PPFIA2: variants seen among roughly 807,000 people sequenced by gnomAD.
PPFIA2 encodes PPFI scaffold protein A2, also known as liprin-alpha-2.
Under a neutral mutation model 175.5 loss-of-function variants are expected in PPFIA2, and 46 were observed. The observed-to-expected ratio is 0.26, with a 90% CI of 0.21 to 0.34. PPFIA2 has a LOEUF of 0.34. Among genes scored for constraint, PPFIA2 ranks in the 10% least tolerant of loss-of-function variants. The pLI is 1.00. For missense variants in PPFIA2, 1,179 were observed against 1,506.1 expected, an observed-to-expected ratio of 0.78 and a Z score of 3.60; for synonymous variants, 568 against 511.4, an observed-to-expected ratio of 1.11 and a Z score of -1.49.
In PPFIA2 at chr12:81,642,648, A is replaced by ATGTATG. The variant is rs1555548911; in HGVS notation, c.303+34137_303+34142dup. 3.1e-4 allele frequency among the ~76,000 whole-genome samples: 21 copies of ATGTATG among 68,552 alleles called. 1 individual carries two copies. Among genetic ancestry groups the ATGTATG allele is most frequent in the African/African-American group, 9.1e-4 (18 of 19,722 alleles). 45.0% of individuals were successfully genotyped at this position (68,552 alleles called of 152,430 possible). A position where few individuals can be genotyped will look rare whatever the true frequency, so the allele number is the denominator to read the frequency against. ...TACTATATATCTATTATATACATAC[A>ATGTATG]TGTATGTATCTATTATATACATACA... On this transcript the variant is annotated intron_variant, in intron 4 of 32. Coordinates refer to ENST00000549396, the MANE Select transcript of PPFIA2 (RefSeq NM_003625.5).
intron 4 of PPFIA2, among the ~76,000 whole-genome samples, chr12:81,588,163 A>C (rs560064930): frequency 1.3e-5 from 2 of 150,894 alleles, no homozygotes; most frequent in East Asian, 4.1e-4. Context: ...GGTTTCAGGG[A>C]TAATAGTCCA....
chr12:81,277,303 G>C lies in PPFIA2; in HGVS notation c.3310+14C>G. ...CAGAATAAAGGCATTTCATATGAAA[G>C]AAAGATATATTACCTTTTATTTCAT... is the stretch of plus-strand genomic sequence containing the variant. On this transcript the variant is annotated intron_variant, in intron 28 of 32. Transcript: ENST00000549396. The C allele has an allele frequency of 6.6e-7, 1 of 1,522,902 alleles. No individual in the cohort carries two copies. Among genetic ancestry groups the C allele is most frequent in the South Asian group, 1.3e-5 (1 of 78,120 alleles). The allele number at this position is 1,522,902 out of a possible 1,614,324, so 94.3% of individuals were successfully genotyped here. A position where few individuals can be genotyped will look rare whatever the true frequency, so the allele number is the denominator to read the frequency against.
intron 4 of PPFIA2, among the ~76,000 whole-genome samples, chr12:81,603,565 C>G (rs1389542085): frequency 6.6e-6 from 1 of 151,408 alleles, no homozygotes; most frequent in Non-Finnish European, 1.5e-5. Flanking sequence ...TATATCAAAT[C>G]CATTCTAAAG....
intron 4 of PPFIA2, among the ~76,000 whole-genome samples, chr12:81,513,293 C>T (rs921378531): frequency 4.6e-5 from 7 of 151,998 alleles, no homozygotes; most frequent in African/African-American, 1.4e-4. Context: ...CACTTTTACA[C>T]TGCTGGTGGG....
intron 24 of PPFIA2, chr12:81,294,578 C>T (rs1335672670): frequency 2.2e-6 from 1 of 464,872 alleles, no homozygotes; most frequent in Non-Finnish European, 3.9e-6. Flanking sequence ...AGGGTCTTGT[C>T]GCTTGGGAGA....
rs548561580 is a variant in PPFIA2 at position 81,583,354 on chromosome 12, C to T, written c.303+93437G>A. On this transcript the variant is annotated intron_variant, in intron 4 of 32. Coordinates refer to ENST00000549396, the MANE Select transcript of PPFIA2 (RefSeq NM_003625.5). ...CGTCTCTTTACCCATCTTCTCTTTT[C>T]CTTTTTTTTTTCTAAGAAAATGAAG... 1.3e-4 allele frequency among the ~76,000 whole-genome samples: 20 copies of T among 151,514 alleles called. 1 individual carries two copies. In the South Asian group the frequency reaches 3.9e-3, roughly 30 times the overall value.
intron 3 of PPFIA2, among the ~76,000 whole-genome samples, chr12:81,693,323 C>T (rs990833637): frequency 2.6e-5 from 4 of 151,978 alleles, no homozygotes; most frequent in Non-Finnish European, 4.4e-5. Flanking sequence ...CCTCATAACT[C>T]GGTGATGTCT....
At chr12:81,611,531 A>C (rs554685713) in intron 4 of PPFIA2, among the ~76,000 whole-genome samples, 1 of 152,204 alleles carries the variant, frequency 6.6e-6, no homozygotes, top group Non-Finnish European at 1.5e-5. Flanking sequence ...CAACACATTC[A>C]GCAGGGCCGT....
intron 4 of PPFIA2, among the ~76,000 whole-genome samples, chr12:81,604,104 C>T (rs966630916): frequency 1.3e-5 from 2 of 151,714 alleles, no homozygotes; most frequent in African/African-American, 2.4e-5. Context: ...TTGACAAATG[C>T]TAACCATTGA....
At chr12:81,606,013 G>A (rs150274769) in intron 4 of PPFIA2, among the ~76,000 whole-genome samples, 1 of 151,936 alleles carries the variant, frequency 6.6e-6, no homozygotes, top group African/African-American at 2.4e-5. Context: ...TTGCTCCTAT[G>A]TTGACGTCCC....
chr12:81,384,195 A>T lies in PPFIA2; in HGVS notation c.812T>A (p.Val271Asp). The T allele has an allele frequency of 6.2e-7, 1 of 1,607,526 alleles. No individual in the cohort carries two copies. The highest frequency in any genetic ancestry group is 8.5e-7 in the Non-Finnish European group (1 of 1,176,106). The change falls in exon 9 of 33, where the codon GTT becomes GAT. Residue 271 changes from valine (V) to aspartate (D), a missense_variant. By Grantham distance (152) the Val-to-Asp change is radical. This residue lies in a region of PPFIA2 where 226 missense variants were observed against 216.6 expected (regional missense o/e 1.04). Transcript: ENST00000549396. ...IDSTDETSQI[V>D]ELQELLEKQN... ...CTTTTCAAGCAATTCTTGTAGTTCA[A>T]CTATTTGACTAGTTTCATCGGTTGA...
intron 3 of PPFIA2, among the ~76,000 whole-genome samples, chr12:81,731,960 T>C (rs2080970709): frequency 6.6e-6 from 1 of 151,572 alleles, no homozygotes; most frequent in Non-Finnish European, 1.5e-5. Context: ...GAGTTCTAAA[T>C]AATTGTATTA....
rs145820544 is a variant in PPFIA2 at position 81,269,106 on chromosome 12, CT to C, written c.3311-1020del. Among the ~76,000 whole-genome samples, 1,281 of 150,718 alleles carry C rather than the reference CT, an allele frequency of 8.5e-3. 7 individuals carry two copies. Among genetic ancestry groups the C allele is most frequent in the Middle Eastern group, 0.028 (8 of 286 alleles). ...AAACTTTCAGAGAAAAATGCCGTTT[CT>C]TTTTTTTTAGATAAAAACATCAAAT... On this transcript the variant is annotated intron_variant, in intron 28 of 32. Coordinates refer to ENST00000549396, the MANE Select transcript of PPFIA2 (RefSeq NM_003625.5).
At chr12:81,508,405 C>T (rs1232983821) in intron 4 of PPFIA2, among the ~76,000 whole-genome samples, 1 of 150,636 alleles carries the variant, frequency 6.6e-6, no homozygotes, top group African/African-American at 2.4e-5. Flanking sequence ...CTTGTAATCC[C>T]AGCTATTCGG....
At chr12:81,266,656 T>C (rs547096626) in intron 30 of PPFIA2, among the ~76,000 whole-genome samples, 2 of 152,220 alleles carry the variant, frequency 1.3e-5, no homozygotes, top group Non-Finnish European at 2.9e-5. Context: ...AACTTTTTTC[T>C]AATTTTTTAA....
intron 4 of PPFIA2, among the ~76,000 whole-genome samples, chr12:81,549,478 A>G (rs570574700): frequency 6.6e-6 from 1 of 151,998 alleles, no homozygotes; most frequent in Non-Finnish European, 1.5e-5. Context: ...TGATAGTTAA[A>G]TAATACTAAC....
intron 7 of PPFIA2, among the ~76,000 whole-genome samples, chr12:81,433,673 G>C (rs989706233): frequency 1.5e-4 from 23 of 152,086 alleles, no homozygotes; most frequent in African/African-American, 5.6e-4. Flanking sequence ...TTCATTAAGA[G>C]AATAGTCAAA....
intron 4 of PPFIA2, among the ~76,000 whole-genome samples, chr12:81,474,757 T>C (rs2057269476): frequency 6.6e-6 from 1 of 152,156 alleles, no homozygotes; most frequent in Non-Finnish European, 1.5e-5. Context: ...AAAATTGTTA[T>C]TATTTCTAAA....
At position 81,374,775 on chromosome 12, in the gene PPFIA2, T is replaced by C. The variant is rs574970577; in HGVS notation, c.1132-7A>G. 29 of 1,610,604 alleles carry C rather than the reference T, an allele frequency of 1.8e-5. No individual in the cohort carries two copies. Among genetic ancestry groups the C allele is most frequent in the South Asian group, 1.5e-4 (14 of 90,762 alleles). ...GTCTGTTTTTCTCTTCCATCTGAAA[T>C]GGGAATGGGAGCAGAGACACTTAAA... On this transcript the variant is annotated splice_polypyrimidine_tract_variant and splice_region_variant and intron_variant, in intron 10 of 32. Coordinates refer to ENST00000549396, the MANE Select transcript of PPFIA2 (RefSeq NM_003625.5).
Sources: allele counts gnomAD v4.1 joint callset (sites outside exome capture counted in the v4.1 genomes callset), GRCh38; gene constraint gnomAD v4.1.1; regional missense constraint gnomAD v4.1.1; transcripts MANE v1.5; gene names NCBI Gene and HGNC (gene_info 2026-07-23, HGNC 2026-07-21).